Variants in RBM25 observed in about 807,000 individuals in gnomAD.
RBM25 encodes the protein RNA-binding protein 25.
A neutral mutation model predicts 120.7 loss-of-function variants in RBM25; 19 were observed. That is an observed-to-expected ratio of 0.16 (90% CI 0.11 to 0.23). RBM25 has a LOEUF of 0.23. Among genes scored for constraint, RBM25 ranks in the 10% least tolerant of loss-of-function variants. RBM25 has a pLI of 1.00. For missense variants in RBM25, 605 were observed against 1,041.5 expected, an observed-to-expected ratio of 0.58 and a Z score of 5.77; for synonymous variants, 390 against 326.7, an observed-to-expected ratio of 1.19 and a Z score of -2.09.
intron 1 of RBM25, among the ~76,000 whole-genome samples, chr14:73,065,678 A>T (rs1180285287): frequency 6.6e-6 from 1 of 151,844 alleles, no homozygotes; most frequent in Non-Finnish European, 1.5e-5. Context: ...TTGGCCTCCC[A>T]AAGTGCTGGG....
At chr14:73,063,796 C>T (rs1181784470) in intron 1 of RBM25, among the ~76,000 whole-genome samples, 1 of 151,396 alleles carries the variant, frequency 6.6e-6, no homozygotes, top group Non-Finnish European at 1.5e-5. Context: ...TAAAATGTGA[C>T]AAGTCAGAAA....
intron 12 of RBM25, chr14:73,107,412 A>T (rs1353863404): frequency 6.5e-6 from 1 of 153,886 alleles, no homozygotes; most frequent in Non-Finnish European, 1.4e-5. Context: ...TATATTTATT[A>T]TGGCATAGAG....
chr14:73,123,429 C>T lies in RBM25; in HGVS notation c.*3624C>T, dbSNP rs1268925022. The T allele has an allele frequency of 6.6e-6, 1 of 152,066 alleles. No individual in the cohort carries two copies. The highest frequency in any genetic ancestry group is 1.5e-5 in the Non-Finnish European group (1 of 68,002). 9.4% of individuals were successfully genotyped at this position (152,066 alleles called of 1,614,324 possible). On this transcript the variant is annotated 3_prime_UTR_variant, in exon 19 of 19. Coordinates refer to ENST00000261973, the MANE Select transcript of RBM25 (RefSeq NM_021239.3). ...TTTATGTCAAATTGATTACAAACTT[C>T]TCTGGGTTGTATTTCAGTCTTCTGT...
At chr14:73,116,655 G>A (rs560126663) in intron 18 of RBM25, among the ~76,000 whole-genome samples, 145 of 152,180 alleles carry the variant, frequency 9.5e-4, no homozygotes, top group Non-Finnish European at 1.8e-3. Context: ...GGGTGTCGTA[G>A]TTAGGCCTGA....
chr14:73,097,382 G>A lies in RBM25; in HGVS notation c.729+282G>A, dbSNP rs531377165. Reference sequence around the variant, plus strand: ...TGCCCGGCTAATTTTTTGGTTTTTAGTAGAGACGGGGTTTCACCGTGTTAG... The same window carrying A: ...TGCCCGGCTAATTTTTTGGTTTTTAATAGAGACGGGGTTTCACCGTGTTAG... On this transcript the variant is annotated intron_variant, in intron 7 of 18. Coordinates refer to ENST00000261973, the MANE Select transcript of RBM25 (RefSeq NM_021239.3). Among the ~76,000 whole-genome samples, 256 of 151,740 alleles carry A rather than the reference G, an allele frequency of 1.7e-3. 2 individuals carry two copies. Among genetic ancestry groups the A allele is most frequent in the African/African-American group, 5.7e-3 (235 of 41,406 alleles).
intron 5 of RBM25, among the ~76,000 whole-genome samples, chr14:73,086,190 G>A (rs1895681192): frequency 6.6e-6 from 1 of 151,926 alleles, no homozygotes; most frequent in Non-Finnish European, 1.5e-5. Flanking sequence ...GCTCGAGCTT[G>A]TAATCCCAGC....
At chr14:73,065,347 C>G (rs1211885469) in intron 1 of RBM25, among the ~76,000 whole-genome samples, 2 of 151,938 alleles carry the variant, frequency 1.3e-5, no homozygotes, top group African/African-American at 4.8e-5. Context: ...GGGCTGGTCT[C>G]CAACTCCTGA....
chr14:73,100,034 T>C, intron 9 of RBM25: 1 of 474,774 alleles, frequency 2.1e-6, no homozygotes, highest in Non-Finnish European at 3.6e-6. Context: ...AACATCAAGG[T>C]CAGACTTAAA....
At chr14:73,071,773 T>C (rs373485557) in intron 2 of RBM25, 26 bp downstream of exon 2, 2 of 1,544,954 alleles carry the variant, frequency 1.3e-6, no homozygotes, top group African/African-American at 2.7e-5. Flanking sequence ...CTGTTTTTTG[T>C]CGTTAAACTT....
chr14:73,080,228 T>C (rs1430774208), intron 4 of RBM25, among the ~76,000 whole-genome samples: 1 of 127,800 alleles, frequency 7.8e-6, no homozygotes, highest in East Asian at 2.2e-4. Flanking sequence ...TTTTTTTTTT[T>C]TTTTTTTTTT....
chr14:73,060,224 AGG>A (rs1465894248), intron 1 of RBM25, among the ~76,000 whole-genome samples: 2 of 151,156 alleles, frequency 1.3e-5, no homozygotes, highest in Admixed American at 1.3e-4. Flanking sequence ...GTTTTAATAG[AGG>A]CGAGGTTTCA....
At chr14:73,105,402 A>G (rs2140457509) in intron 10 of RBM25, among the ~76,000 whole-genome samples, 1 of 152,340 alleles carries the variant, frequency 6.6e-6, no homozygotes, top group African/African-American at 2.4e-5. Context: ...GCAACATGTC[A>G]GAATTCTGTT....
rs375937504 is a variant in RBM25 at position 73,061,930 on chromosome 14, C to T, written c.-16+3225C>T. ...CTCAGGCTGGAGTGCAGTGGCTATT[C>T]ACAGGCGTAATCCCACTATTGATCA... On this transcript the variant is annotated intron_variant, in intron 1 of 18. Transcript: ENST00000261973. Among the ~76,000 whole-genome samples, 40 of 151,418 alleles carry T rather than the reference C, an allele frequency of 2.6e-4. No individual in the cohort carries two copies. In the East Asian group the frequency reaches 6.6e-3, roughly 25 times the overall value.
At chr14:73,095,264 T>G (rs1192609984) in intron 6 of RBM25, among the ~76,000 whole-genome samples, 1 of 152,190 alleles carries the variant, frequency 6.6e-6, no homozygotes, top group Non-Finnish European at 1.5e-5. Context: ...CGTTTTTCAA[T>G]TTGGATTTTA....
At chr14:73,113,654 G>GCA (rs1484389535) in intron 17 of RBM25, among the ~76,000 whole-genome samples, 1 of 151,816 alleles carries the variant, frequency 6.6e-6, no homozygotes, top group African/African-American at 2.4e-5. Flanking sequence ...TTGCGCCATT[G>GCA]CACTCCAAGC....
intron 3 of RBM25, 25 bp downstream of exon 3, chr14:73,076,393 C>G (rs950393746): frequency 6.3e-7 from 1 of 1,587,002 alleles, no homozygotes; most frequent in African/African-American, 1.3e-5. Context: ...AAGGAGGAAT[C>G]ATGAGTTATG....
chr14:73,105,881 A>G lies in RBM25; in HGVS notation c.1177A>G (p.Arg393Gly). ...TAGAGAAAAAAGCAGAGATCGTGAA[A>G]GGGAACGAGAGCGGGAAAGAGAGAG... Reference protein sequence around the residue: ...RSREKSRDRERERERERERER... With the variant: ...RSREKSRDREGERERERERER... Residue 393 changes from arginine to glycine, a missense_variant, in exon 11 of 19, where the codon AGG (arginine) becomes GGG (glycine). Physicochemically the swap from Arg to Gly is moderately radical, Grantham distance 125. This residue lies in a region of RBM25 where 465 missense variants were observed against 741.6 expected (regional missense o/e 0.63). Coordinates refer to ENST00000261973, the MANE Select transcript of RBM25 (RefSeq NM_021239.3). 1 of 1,611,524 alleles carries G rather than the reference A, an allele frequency of 6.2e-7. No homozygotes were observed.
chr14:73,110,184 C>CT (rs758173357), intron 14 of RBM25, among the ~76,000 whole-genome samples: 5,459 of 139,826 alleles, frequency 0.039, 337 homozygotes, highest in African/African-American at 0.13. Context: ...CGTGCCCGGC[C>CT]TTTTTTTTTT....
chr14:73,059,391 A>G (rs752728642), intron 1 of RBM25: 1 of 152,198 alleles, frequency 6.6e-6, no homozygotes, highest in Non-Finnish European at 1.5e-5. Context: ...GGCGATTACT[A>G]AGCTCCACAT....
Sources: gnomAD v4.1 joint callset for allele counts (sites outside exome capture counted in the v4.1 genomes callset) on GRCh38, gnomAD v4.1.1 for gene constraint, gnomAD v4.1.1 regional missense constraint, MANE v1.5 for transcripts, NCBI Gene and HGNC (gene_info 2026-07-23, HGNC 2026-07-21) for gene names.